The following CHST8 variants were observed in gnomAD, a reference collection of about 807,000 sequenced individuals.
CHST8 encodes carbohydrate sulfotransferase 8.
In CHST8, 10 loss-of-function variants were observed where a neutral mutation model predicts 15.0. The observed-to-expected ratio is 0.67, with a 90% CI of 0.41 to 1.13. The LOEUF is 1.13. Among genes scored for constraint, CHST8 ranks in the 50% most tolerant of loss-of-function variants. The pLI, the probability that CHST8 is intolerant of heterozygous loss-of-function variation, is 0.00. For missense variants in CHST8, 634 were observed against 608.2 expected (o/e 1.04, Z -0.45); for synonymous variants, 259 against 256.6 (o/e 1.01, Z -0.09).
chr19:33,757,410 GAAA>G (rs1974573715), intron 3 of CHST8, among the ~76,000 whole-genome samples: 1 of 5,900 alleles, frequency 1.7e-4, no homozygotes, highest in African/African-American at 4.6e-4. Flanking sequence ...AAGAAAGAAA[GAAA>G]GAAAGAAAGA....
At chr19:33,625,627 C>T (rs1018298493) in intron 1 of CHST8, among the ~76,000 whole-genome samples, 15 of 151,950 alleles carry the variant, frequency 9.9e-5, no homozygotes, top group Admixed American at 3.3e-4. Context: ...TTTGGGAGGC[C>T]GAGGTGGGTG....
Position 33,757,600 on chromosome 19 carries a change from GAAAGA to G in CHST8, c.131-13812_131-13808del, listed in dbSNP as rs1568359167. Among the ~76,000 whole-genome samples, 40 of 142,706 alleles carry G rather than the reference GAAAGA, an allele frequency of 2.8e-4. 4 individuals are homozygous for G. Among genetic ancestry groups the G allele is most frequent in the African/African-American group, 9.1e-4 (35 of 38,392 alleles). 93.6% of individuals were successfully genotyped at this position (142,706 alleles called of 152,430 possible). A position where few individuals can be genotyped will look rare whatever the true frequency, so the allele number is the denominator to read the frequency against. On this transcript the variant is annotated intron_variant, in intron 3 of 4. Transcript: ENST00000650847. ...AGAAAGAAAGAAAGAAAGAAAGAAA[GAAAGA>G]GCCGGCCATTCAGAAGGGAGCAGAA...
chr19:33,622,277 G>T lies in CHST8; in HGVS notation c.-183G>T, dbSNP rs191155315. 4,532 of 152,262 alleles carry T rather than the reference G, an allele frequency of 0.03. 91 individuals carry two copies. Among genetic ancestry groups the T allele is most frequent in the East Asian group, 0.049 (251 of 5,106 alleles). The allele number at this position is 152,262 out of a possible 1,614,324, so 9.4% of individuals were successfully genotyped here. ...CCGGACTGGAGGCGCCCGCGGCCTC[G>T]GGTGCGTCCGCTGCGCCAGGTAAGT... On this transcript the variant is annotated 5_prime_UTR_variant, in exon 1 of 5. Transcript: ENST00000650847.
intron 1 of CHST8, among the ~76,000 whole-genome samples, chr19:33,644,947 C>T (rs530153883): frequency 1.6e-4 from 24 of 152,074 alleles, no homozygotes; most frequent in African/African-American, 5.5e-4. Context: ...TCAGCCTGGG[C>T]GATTGTATTC....
chr19:33,712,179 G>A (rs1973565790), intron 3 of CHST8, among the ~76,000 whole-genome samples: 1 of 152,204 alleles, frequency 6.6e-6, no homozygotes, highest in Non-Finnish European at 1.5e-5. Flanking sequence ...ACCCCTCCCA[G>A]TAGAGCCCAC....
At chr19:33,729,235 C>T (rs1973953869) in intron 3 of CHST8, among the ~76,000 whole-genome samples, 1 of 152,214 alleles carries the variant, frequency 6.6e-6, no homozygotes, top group South Asian at 2.1e-4. Context: ...TCTGACGGCT[C>T]AACAACTGAG....
At chr19:33,722,589 C>A (rs1202140492) in intron 3 of CHST8, among the ~76,000 whole-genome samples, 1 of 152,184 alleles carries the variant, frequency 6.6e-6, no homozygotes, top group South Asian at 2.1e-4. Flanking sequence ...GTCTTTCTTA[C>A]CTCTTTGTTC....
intron 3 of CHST8, among the ~76,000 whole-genome samples, chr19:33,729,479 G>T (rs1973957340): frequency 1.3e-5 from 2 of 152,220 alleles, no homozygotes; most frequent in African/African-American, 2.4e-5. Context: ...TGTAGCTGTG[G>T]TCTATGTGTT....
intron 3 of CHST8, among the ~76,000 whole-genome samples, chr19:33,762,587 C>G (rs185840457): frequency 4.0e-4 from 61 of 152,342 alleles, no homozygotes; most frequent in African/African-American, 1.4e-3. Flanking sequence ...AGTGTCGCTG[C>G]GCTGGGGGCA....
At chr19:33,692,052 A>G (rs1240408338) in intron 3 of CHST8, among the ~76,000 whole-genome samples, 1 of 152,160 alleles carries the variant, frequency 6.6e-6, no homozygotes, top group Non-Finnish European at 1.5e-5. Flanking sequence ...CAGCACCTGA[A>G]CTTTACATGG....
At chr19:33,704,440 C>T (rs1382753594) in intron 3 of CHST8, among the ~76,000 whole-genome samples, 3 of 152,108 alleles carry the variant, frequency 2.0e-5, no homozygotes, top group Non-Finnish European at 2.9e-5. Context: ...CTGACAGAGC[C>T]ACAGGGAGCG....
At chr19:33,721,689 G>A (rs868137055) in intron 3 of CHST8, among the ~76,000 whole-genome samples, 1 of 151,834 alleles carries the variant, frequency 6.6e-6, no homozygotes. Flanking sequence ...TAGAGGGATG[G>A]CTGGGTGGAA....
At chr19:33,764,617 C>T (rs1974795538) in intron 3 of CHST8, among the ~76,000 whole-genome samples, 1 of 152,230 alleles carries the variant, frequency 6.6e-6, no homozygotes, top group South Asian at 2.1e-4. Context: ...TCCCAGCTCC[C>T]TGTGCTTGTA....
chr19:33,659,036 A>G lies in CHST8; in HGVS notation c.-163-8731A>G, dbSNP rs1041143118. On this transcript the variant is annotated intron_variant, in intron 1 of 4. Coordinates refer to ENST00000650847, the MANE Select transcript of CHST8 (RefSeq NM_001127895.2). ...TCTCTTTTTGCTAGATTCTATTTTT[A>G]TTGTTTCATGGTTAGGTAATGACTT... 2.1e-3 allele frequency among the ~76,000 whole-genome samples: 163 copies of G among 79,356 alleles called. 4 individuals are homozygous for G. Among genetic ancestry groups the G allele is most frequent in the Admixed American group, 3.8e-3 (33 of 8,742 alleles). The allele number at this position is 79,356 out of a possible 152,430, so 52.1% of individuals were successfully genotyped here.
intron 3 of CHST8, among the ~76,000 whole-genome samples, chr19:33,727,757 G>A (rs1340242113): frequency 6.6e-6 from 1 of 152,254 alleles, no homozygotes; most frequent in Non-Finnish European, 1.5e-5. Flanking sequence ...AAGTGGATCT[G>A]CTCCCTGGAG....
chr19:33,647,191 C>T (rs1478537755), intron 1 of CHST8, among the ~76,000 whole-genome samples: 1 of 152,124 alleles, frequency 6.6e-6, no homozygotes, highest in Non-Finnish European at 1.5e-5. Flanking sequence ...ACAAAGAGGA[C>T]CAATAACTGA....
intron 1 of CHST8, among the ~76,000 whole-genome samples, chr19:33,653,621 G>T (rs1020107582): frequency 6.6e-6 from 1 of 152,172 alleles, no homozygotes. Flanking sequence ...AAGCACGGTG[G>T]TTAAGAACAC....
intron 3 of CHST8, among the ~76,000 whole-genome samples, chr19:33,690,228 C>A (rs1248073917): frequency 6.6e-6 from 1 of 152,174 alleles, no homozygotes; most frequent in African/African-American, 2.4e-5. Flanking sequence ...CATGGACAAG[C>A]TGGTGCACCC....
intron 1 of CHST8, among the ~76,000 whole-genome samples, chr19:33,624,311 G>A (rs1367903384): frequency 2.6e-5 from 4 of 152,214 alleles, no homozygotes; most frequent in East Asian, 1.9e-4. Flanking sequence ...CCAGTTGGGA[G>A]AGGAGAGCAG....
Sources: allele counts gnomAD v4.1 joint callset (sites outside exome capture counted in the v4.1 genomes callset), GRCh38; gene constraint gnomAD v4.1.1; transcripts MANE v1.5; gene names NCBI Gene and HGNC (gene_info 2026-07-23, HGNC 2026-07-21).